Variants in ZNF567 observed in about 807,000 individuals in gnomAD.
ZNF567 encodes the protein zinc finger protein 567.
A neutral mutation model predicts 53.9 loss-of-function variants in ZNF567; 36 were observed. The observed-to-expected ratio is 0.67, with a 90% CI of 0.51 to 0.88. The LOEUF (loss-of-function observed/expected upper bound fraction) is 0.88. Among genes scored for constraint, ZNF567 ranks in the 40% least tolerant of loss-of-function variants. The probability of loss-of-function intolerance (pLI) is 0.00; values close to 1 mark genes in which losing one functional copy is unlikely to be tolerated. For missense variants in ZNF567, 619 were observed against 764.7 expected (o/e 0.81, Z 2.25); for synonymous variants, 224 against 260.4 (o/e 0.86, Z 1.35).
At chr19:36,668,659 G>A in the ZNF567 span, 1 of 152,276 alleles carries the variant, frequency 6.6e-6, no homozygotes, top group Non-Finnish European at 1.5e-5. Flanking sequence ...AGCCGACTTA[G>A]AGGAGTGGAA....
chr19:36,696,381 C>G (rs1054510284), intron 3 of ZNF567, among the ~76,000 whole-genome samples: 1 of 152,100 alleles, frequency 6.6e-6, no homozygotes, highest in Non-Finnish European at 1.5e-5. Context: ...GATTCTAAAC[C>G]TCTGTCTTTT....
intron 3 of ZNF567, among the ~76,000 whole-genome samples, chr19:36,695,571 C>T (rs752938529): frequency 7.2e-5 from 11 of 151,918 alleles, no homozygotes; most frequent in Non-Finnish European, 1.5e-4. Flanking sequence ...CAGTGGCATG[C>T]ACCTGTGGTC....
chr19:36,693,638 A>T (rs1406986381), intron 2 of ZNF567, among the ~76,000 whole-genome samples: 1 of 152,238 alleles, frequency 6.6e-6, no homozygotes, highest in Non-Finnish European at 1.5e-5. Context: ...CTGTCAAGGA[A>T]GTAGCCCTAG....
the ZNF567 span, chr19:36,669,094 T>C: frequency 6.6e-6 from 1 of 152,086 alleles, no homozygotes; most frequent in Non-Finnish European, 1.5e-5. Flanking sequence ...CTAGAGAGGG[T>C]TTAAAGAATA....
intron 3 of ZNF567, chr19:36,703,788 G>C (rs531087678): frequency 6.5e-6 from 1 of 152,854 alleles, no homozygotes; most frequent in African/African-American, 2.4e-5. Flanking sequence ...TCAGAAAAGC[G>C]CAGTATTTGG....
chr19:36,716,740 A>G (rs1238723575), intron 5 of ZNF567, among the ~76,000 whole-genome samples: 1 of 152,182 alleles, frequency 6.6e-6, no homozygotes, highest in East Asian at 1.9e-4. Flanking sequence ...TTTTAGATGT[A>G]CCTACTCATG....
chr19:36,688,284 G>C (rs922159502), intron 1 of ZNF567, among the ~76,000 whole-genome samples: 1 of 152,040 alleles, frequency 6.6e-6, no homozygotes, highest in Non-Finnish European at 1.5e-5. Flanking sequence ...AAAGTATTTG[G>C]TGTACACGAC....
chr19:36,726,366 CTTATTTAAACCTGTTT>C (rs2040335027), downstream of ZNF567, among the ~76,000 whole-genome samples: 1 of 152,028 alleles, frequency 6.6e-6, no homozygotes, highest in East Asian at 1.9e-4. Flanking sequence ...GATTGTAGAT[CTTATTTAAACCTGTTT>C]TAGCTGGCTT....
At chr19:36,726,414 G>C (rs2040335162), downstream of ZNF567, among the ~76,000 whole-genome samples, 1 of 152,152 alleles carries the variant, frequency 6.6e-6, no homozygotes, top group Admixed American at 6.5e-5. Context: ...CCTGGCATGG[G>C]GAGGGCAACT....
At position 36,712,787 on chromosome 19, in the gene ZNF567, A is replaced by T; in HGVS notation, c.143A>T (p.His48Leu). 6.2e-7 allele frequency: 1 copy of T among 1,613,582 alleles called. No individual in the cohort carries two copies. The highest frequency in any genetic ancestry group is 2.2e-5 in the East Asian group (1 of 44,870). The change falls in exon 5 of 6, where the codon CAC becomes CTC. Residue 48 changes from histidine to leucine, a missense_variant. Physicochemically the swap from His to Leu is moderately conservative, Grantham distance 99. Transcript: ENST00000682579. ...TCTTTTTTTCACTTTTCAGGGTGTC[A>T]CATGACCAAACCTGATGTGATCCTC... ...NYCHLISVGC[H>L]MTKPDVILKL...
At chr19:36,705,242 A>G (rs909688713) in intron 3 of ZNF567, among the ~76,000 whole-genome samples, 2 of 152,084 alleles carry the variant, frequency 1.3e-5, no homozygotes, top group Non-Finnish European at 2.9e-5. Flanking sequence ...CTTTGGGTAT[A>G]ATTAGCTCTT....
At position 36,720,153 on chromosome 19, in the gene ZNF567, T is replaced by C; in HGVS notation, c.1429T>C (p.Tyr477His). 2 of 1,613,888 alleles carry C rather than the reference T, an allele frequency of 1.2e-6. No individual in the cohort carries two copies. The highest frequency in any genetic ancestry group is 1.7e-6 in the Non-Finnish European group (2 of 1,179,972). The stretch of plus-strand genomic sequence containing the variant: ...GAGAACACATACAGGGGAGAAATCT[T>C]ATGAATGTCCTCACTGTGGGAAGGC... ...HQRTHTGEKSYECPHCGKAFR... is the reference protein window; with the variant it reads ...HQRTHTGEKSHECPHCGKAFR... The change falls in exon 6 of 6, where the codon TAT becomes CAT. Residue 477 changes from tyrosine (Y) to histidine (H), a missense_variant. By Grantham distance (83) the Tyr-to-His change is moderately conservative (BLOSUM62 2). Coordinates refer to ENST00000682579, the MANE Select transcript of ZNF567 (RefSeq NM_001322917.1).
At chr19:36,710,046 C>T (rs1330025317) in intron 3 of ZNF567, among the ~76,000 whole-genome samples, 1 of 152,026 alleles carries the variant, frequency 6.6e-6, no homozygotes, top group Non-Finnish European at 1.5e-5. Context: ...TTTTTCTCTC[C>T]CCATTCTGGG....
intron 3 of ZNF567, among the ~76,000 whole-genome samples, chr19:36,706,893 T>A (rs936173358): frequency 7.9e-5 from 12 of 151,214 alleles, no homozygotes; most frequent in Non-Finnish European, 1.5e-5. Context: ...TGGGTCCAAG[T>A]GATCTTCCTG....
upstream of ZNF567, chr19:36,685,974 T>A (rs1298266184): frequency 1.3e-5 from 2 of 152,204 alleles, no homozygotes; most frequent in Non-Finnish European, 2.9e-5. Context: ...AAGTGATCTT[T>A]AATGCGCAAG....
downstream of ZNF567, among the ~76,000 whole-genome samples, chr19:36,721,749 T>TTC (rs1229733989): frequency 4.3e-5 from 6 of 139,016 alleles, no homozygotes; most frequent in African/African-American, 1.4e-4. Context: ...TTTTTCTTTT[T>TTC]TTTTTTTTTT....
At position 36,719,192 on chromosome 19, in the gene ZNF567, A is replaced by G. The variant is rs762070354; in HGVS notation, c.468A>G (p.Arg156=). Residue 156 remains arginine, a synonymous_variant, in exon 6 of 6, where the codon AGA becomes AGG. Transcript: ENST00000682579. ...TCATCAGTAATCTAAATCCTGCAAG[A>G]AAGAGACTTAGTGAGTATAATGGAT... ...ELIISNLNPA[R]KRLSEYNGYG... 6.2e-7 allele frequency: 1 copy of G among 1,613,610 alleles called. No individual in the cohort carries two copies. Among genetic ancestry groups the G allele is most frequent in the Non-Finnish European group, 8.5e-7 (1 of 1,179,876 alleles).
At chr19:36,675,825 G>C in the ZNF567 span, among the ~76,000 whole-genome samples, 1 of 152,080 alleles carries the variant, frequency 6.6e-6, no homozygotes, top group Non-Finnish European at 1.5e-5. Context: ...CTCCAGACTG[G>C]GTGACAGAGC....
At chr19:36,715,102 G>A (rs2039975587) in intron 5 of ZNF567, among the ~76,000 whole-genome samples, 1 of 152,008 alleles carries the variant, frequency 6.6e-6, no homozygotes, top group African/African-American at 2.4e-5. Context: ...TTCTGACAAT[G>A]TGTCAGAAAT....
Sources: gnomAD v4.1 joint callset for allele counts (sites outside exome capture counted in the v4.1 genomes callset) on GRCh38, gnomAD v4.1.1 for gene constraint, MANE v1.5 for transcripts, NCBI Gene and HGNC (gene_info 2026-07-23, HGNC 2026-07-21) for gene names.